The following KCNK13 variants were observed in gnomAD, a reference collection of about 807,000 sequenced individuals.
KCNK13 encodes the protein potassium channel subfamily K member 13.
KCNK13 carries 12 observed loss-of-function variants against 23.4 expected under a neutral mutation model. The ratio of observed to expected loss-of-function variants is 0.51; its 90% confidence interval spans 0.33 to 0.83. The LOEUF (loss-of-function observed/expected upper bound fraction) is 0.83. Among genes scored for constraint, KCNK13 ranks in the 40% least tolerant of loss-of-function variants. KCNK13 has a pLI of 0.02. For synonymous variants in KCNK13, 231 were observed against 229.5 expected, an observed-to-expected ratio of 1.01 and a Z score of -0.06; for missense variants, 463 against 556.3, an observed-to-expected ratio of 0.83 and a Z score of 1.69.
At chr14:90,091,654 A>C (rs992486042) in intron 1 of KCNK13, among the ~76,000 whole-genome samples, 9 of 151,838 alleles carry the variant, frequency 5.9e-5, no homozygotes, top group Middle Eastern at 3.2e-3. Flanking sequence ...TATGAGTTCC[A>C]TGCAGACAGT....
At chr14:90,150,700 C>A (rs74486170) in intron 1 of KCNK13, among the ~76,000 whole-genome samples, 1,537 of 152,210 alleles carry the variant, frequency 0.01, 22 homozygotes, top group African/African-American at 0.035. Context: ...GTGTCTCTGC[C>A]CAAATCGCAA....
intron 1 of KCNK13, among the ~76,000 whole-genome samples, chr14:90,072,499 T>C (rs1889087780): frequency 6.6e-6 from 1 of 152,118 alleles, no homozygotes; most frequent in Admixed American, 6.6e-5. Context: ...AGTTGAAGGT[T>C]TGATGATCAT....
intron 1 of KCNK13, among the ~76,000 whole-genome samples, chr14:90,072,484 C>A (rs1322636584): frequency 2.6e-5 from 4 of 152,084 alleles, no homozygotes; most frequent in Non-Finnish European, 5.9e-5. Flanking sequence ...TGGGTGGAGT[C>A]CCCCAGTTGA....
intron 1 of KCNK13, among the ~76,000 whole-genome samples, chr14:90,120,288 G>T (rs180934369): frequency 6.6e-6 from 1 of 152,220 alleles, no homozygotes; most frequent in Non-Finnish European, 1.5e-5. Context: ...CGTGATGTGT[G>T]TGTGTCTGTG....
chr14:90,165,106 A>G (rs979619600), intron 1 of KCNK13, among the ~76,000 whole-genome samples: 2 of 152,150 alleles, frequency 1.3e-5, no homozygotes. Flanking sequence ...CCCGTTTTTA[A>G]AACCATCAGA....
Position 90,184,122 on chromosome 14 carries a change from A to C in KCNK13, c.346A>C (p.Thr116Pro). The change falls in exon 2 of 2, where the codon ACA becomes CCA. Residue 116 changes from threonine (T) to proline (P), a missense_variant. By Grantham distance (38) the Thr-to-Pro change is conservative. Around this residue, in one of 3 missense-constraint regions of KCNK13, gnomAD observed 144 missense variants for 224.0 expected, o/e 0.64. Transcript: ENST00000282146. The surrounding 1 kb of genome is among the most constrained non-coding windows in gnomAD (Gnocchi z 5.6). The part of the protein sequence containing the change: ...TVVSTIGFGM[T>P]TPATVGGKIF... ...TTTCTCTCCTGCAGGGTTTGGGATG[A>C]CAACTCCGGCGACAGTAGGAGGAAA... The C allele has an allele frequency of 6.2e-7, 1 of 1,612,390 alleles. No individual in the cohort carries two copies. Among genetic ancestry groups the C allele is most frequent in the Non-Finnish European group, 8.5e-7 (1 of 1,178,624 alleles).
intron 1 of KCNK13, among the ~76,000 whole-genome samples, chr14:90,183,297 A>T (rs1304830321): frequency 6.6e-6 from 1 of 152,226 alleles, no homozygotes; most frequent in African/African-American, 2.4e-5. Context: ...TTTGTTTAAA[A>T]GATGGGTAGA....
intron 1 of KCNK13, among the ~76,000 whole-genome samples, chr14:90,163,368 C>CAA (rs535019213): frequency 6.0e-4 from 91 of 152,260 alleles, no homozygotes; most frequent in African/African-American, 2.1e-3. Flanking sequence ...CCCTTTGTCT[C>CAA]AACTCCCAGA....
intron 1 of KCNK13, among the ~76,000 whole-genome samples, chr14:90,178,845 A>G (rs979865950): frequency 4.0e-5 from 6 of 149,338 alleles, no homozygotes; most frequent in African/African-American, 1.5e-4. Context: ...GTATTTCTAG[A>G]AAAAAAAAAC....
rs138382306 is a variant in KCNK13, at chr14:90,105,616, C to G, written c.334+43077C>G. Among the ~76,000 whole-genome samples, 741 of 152,032 alleles carry G rather than the reference C, an allele frequency of 4.9e-3. 8 individuals are homozygous for G. The highest frequency in any genetic ancestry group is 0.017 in the African/African-American group (702 of 41,474). On this transcript the variant is annotated intron_variant, in intron 1 of 1. Coordinates refer to ENST00000282146, the MANE Select transcript of KCNK13 (RefSeq NM_022054.4). ...AGAGTCCCAAGCTTTGAGTCTTTAA[C>G]TACAAAATCCATTGTCTCCCCAAAT...
chr14:90,143,180 CT>C (rs376898218), intron 1 of KCNK13, among the ~76,000 whole-genome samples: 5 of 26,488 alleles, frequency 1.9e-4, no homozygotes, highest in South Asian at 1.9e-3. Flanking sequence ...TCTTTCTTTT[CT>C]TTTCTTTTCT....
At chr14:90,126,008 T>C (rs1346195969) in intron 1 of KCNK13, among the ~76,000 whole-genome samples, 2 of 135,164 alleles carry the variant, frequency 1.5e-5, no homozygotes, top group African/African-American at 5.7e-5. Context: ...CTGGGCAACA[T>C]AGTGAGACGC....
At chr14:90,146,372 G>C (rs186480656) in intron 1 of KCNK13, among the ~76,000 whole-genome samples, 3 of 152,292 alleles carry the variant, frequency 2.0e-5, no homozygotes, top group Admixed American at 6.5e-5. Flanking sequence ...CTGGAGTGCA[G>C]TGGTACAATC....
At chr14:90,110,012 T>A (rs983507270) in intron 1 of KCNK13, among the ~76,000 whole-genome samples, 2 of 152,036 alleles carry the variant, frequency 1.3e-5, no homozygotes, top group Non-Finnish European at 2.9e-5. Flanking sequence ...CTGGCCAGGA[T>A]GTTTATTTAA....
At chr14:90,129,280 C>T (rs1889839265) in intron 1 of KCNK13, among the ~76,000 whole-genome samples, 1 of 152,062 alleles carries the variant, frequency 6.6e-6, no homozygotes, top group African/African-American at 2.4e-5. Context: ...GGCTTTTTTC[C>T]AGGTTTTTGC....
intron 1 of KCNK13, among the ~76,000 whole-genome samples, chr14:90,142,126 C>A (rs921688041): frequency 6.6e-6 from 1 of 151,774 alleles, no homozygotes; most frequent in Non-Finnish European, 1.5e-5. Flanking sequence ...TCCCTGTCCC[C>A]AGGTAACTAG....
chr14:90,174,618 A>G (rs1461032928), intron 1 of KCNK13, among the ~76,000 whole-genome samples: 2 of 152,188 alleles, frequency 1.3e-5, no homozygotes, highest in Non-Finnish European at 2.9e-5. Flanking sequence ...TTGGGATGCC[A>G]AGGCTGGCAG....
At chr14:90,146,006 C>G (rs1035282742) in intron 1 of KCNK13, among the ~76,000 whole-genome samples, 5 of 151,920 alleles carry the variant, frequency 3.3e-5, no homozygotes, top group Admixed American at 6.6e-5. Context: ...CAAAACAAAA[C>G]AAAACAAAAA....
chr14:90,182,673 T>G (rs1046598766), intron 1 of KCNK13, among the ~76,000 whole-genome samples: 44 of 152,002 alleles, frequency 2.9e-4, no homozygotes, highest in African/African-American at 1.1e-3. Context: ...AATTTGAAAA[T>G]TAGCCAGGCA....
Sources: allele counts gnomAD v4.1 joint callset (sites outside exome capture counted in the v4.1 genomes callset), GRCh38; gene constraint gnomAD v4.1.1; regional missense constraint gnomAD v4.1.1; non-coding constraint Gnocchi (gnomAD v3.1); transcripts MANE v1.5; gene names NCBI Gene and HGNC (gene_info 2026-07-23, HGNC 2026-07-21).